DLG5: variants seen among roughly 807,000 people sequenced by gnomAD.
The protein encoded by DLG5 is disks large homolog 5.
A neutral mutation model predicts 189.8 loss-of-function variants in DLG5; 48 were observed. The observed-to-expected ratio is 0.25, with a 90% CI of 0.20 to 0.32. DLG5 has a LOEUF of 0.32. Ranked by LOEUF, DLG5 falls within the 10% of genes least tolerant of loss-of-function variation. DLG5 has a pLI of 1.00. For synonymous variants in DLG5, 1,016 were observed against 1,054.1 expected (o/e 0.96, Z 0.70); for missense variants, 2,160 against 2,544.7 (o/e 0.85, Z 3.25).
At chr10:77,926,763 AGGAGGAGGAGAC>A (rs1354952715), upstream of DLG5, 2 of 159,962 alleles carry the variant, frequency 1.3e-5, no homozygotes, top group Non-Finnish European at 2.7e-5. The surrounding 1 kb of genome is among the most constrained non-coding windows in gnomAD (Gnocchi z 5.2). Flanking sequence ...CTGGAAGAGG[AGGAGGAGGAGAC>A]GGAGGAGGAG....
At chr10:77,814,840 G>A (rs545698244) in intron 20 of DLG5, among the ~76,000 whole-genome samples, 1 of 152,182 alleles carries the variant, frequency 6.6e-6, no homozygotes, top group African/African-American at 2.4e-5. Context: ...CTCCTTACAG[G>A]TGTGAACCAC....
At position 77,926,144 on chromosome 10, in the gene DLG5, G is replaced by T; in HGVS notation, c.304+73C>A. 1.6e-6 allele frequency: 2 copies of T among 1,282,766 alleles called. No homozygotes were observed. The highest frequency in any genetic ancestry group is 3.1e-5 in the East Asian group (1 of 31,746). 79.5% of individuals were successfully genotyped at this position (1,282,766 alleles called of 1,614,324 possible). A position where few individuals can be genotyped will look rare whatever the true frequency, so the allele number is the denominator to read the frequency against. On this transcript the variant is annotated intron_variant, in intron 1 of 31. Coordinates refer to ENST00000372391, the MANE Select transcript of DLG5 (RefSeq NM_004747.4). The surrounding 1 kb of genome is among the most constrained non-coding windows in gnomAD (Gnocchi z 5.2). ...CCAGGTGGAGCGGCGGCCCCGGCGAGGTACCCTCGGCCAGCAGGAGGGAGA... is the reference window on the plus strand; with the variant it reads ...CCAGGTGGAGCGGCGGCCCCGGCGATGTACCCTCGGCCAGCAGGAGGGAGA...
Position 77,811,946 on chromosome 10 carries a change from G to A in DLG5, c.4300C>T (p.Leu1434Phe). Reference sequence around the variant, plus strand: ...CACCTGGACCGGGAGTGGCTGCTGAGCTGGTGCACGTGGGGGTTGTACTGG... The same window carrying A: ...CACCTGGACCGGGAGTGGCTGCTGAACTGGTGCACGTGGGGGTTGTACTGG... ...LAQYNPHVHQ[L>F]SSHSRSSSHL... The change falls in exon 22 of 32, where the codon CTC (leucine) becomes TTC (phenylalanine). Residue 1434 changes from leucine (L) to phenylalanine (F), a missense_variant. By Grantham distance (22) the Leu-to-Phe change is conservative. This residue lies in a region of DLG5 where 574 missense variants were observed against 644.2 expected (regional missense o/e 0.89). Coordinates refer to ENST00000372391, the MANE Select transcript of DLG5 (RefSeq NM_004747.4). 5.6e-6 allele frequency: 9 copies of A among 1,607,470 alleles called. No individual in the cohort carries two copies. Among genetic ancestry groups the A allele is most frequent in the Non-Finnish European group, 7.6e-6 (9 of 1,179,834 alleles).
chr10:77,903,231 C>A (rs1845981543), intron 1 of DLG5, among the ~76,000 whole-genome samples: 1 of 152,064 alleles, frequency 6.6e-6, no homozygotes, highest in Admixed American at 6.5e-5. Context: ...AGTTCGAGGC[C>A]AGCCTGGCCA....
intron 1 of DLG5, among the ~76,000 whole-genome samples, chr10:77,897,990 C>G (rs1845815202): frequency 6.6e-6 from 1 of 152,150 alleles, no homozygotes; most frequent in African/African-American, 2.4e-5. Context: ...CCCAGAGACC[C>G]TCCGAAGTCC....
chr10:77,901,793 A>G lies in DLG5; in HGVS notation c.304+24424T>C, dbSNP rs1845935818. On this transcript the variant is annotated intron_variant, in intron 1 of 31. Transcript: ENST00000372391. ...CCCGGCTCCAACGGTGGAGCAGCCC[A>G]AGGTCCCCCTGGGGAAGGGCTGGAA... Among the ~76,000 whole-genome samples, 3 of 152,264 alleles carry G rather than the reference A, an allele frequency of 2.0e-5. No homozygotes were observed. In the South Asian group the frequency reaches 6.2e-4, roughly 32 times the overall value.
In DLG5 at chr10:77,807,995, T is replaced by C. The variant is rs568248869; in HGVS notation, c.4648-51A>G. 32 of 1,609,056 alleles carry C rather than the reference T, an allele frequency of 2.0e-5. No homozygotes were observed. The African/African-American group carries it at 3.6e-4, about 18-fold the overall frequency. On this transcript the variant is annotated intron_variant, in intron 24 of 31. Coordinates refer to ENST00000372391, the MANE Select transcript of DLG5 (RefSeq NM_004747.4). Reference sequence around the variant, plus strand: ...CAGAAGGCAGAAGCCAGGGGGCAGCTTGGGCACCCGAGAGGGGCCAGTGCT... The same window carrying C: ...CAGAAGGCAGAAGCCAGGGGGCAGCCTGGGCACCCGAGAGGGGCCAGTGCT...
Position 77,843,442 on chromosome 10 carries a change from C to T in DLG5, c.1124+5G>A, listed in dbSNP as rs1843527238. ...GCCCCCGGCCCCCGATGGCCCTAGC[C>T]CTACCTCCTCAGGGAGAGGGCGCAC... On this transcript the variant is annotated splice_donor_5th_base_variant and intron_variant, in intron 6 of 31. Transcript: ENST00000372391. 2 of 1,613,140 alleles carry T rather than the reference C, an allele frequency of 1.2e-6. No individual in the cohort carries two copies. Among genetic ancestry groups the T allele is most frequent in the East Asian group, 2.2e-5 (1 of 44,898 alleles).
intron 1 of DLG5, among the ~76,000 whole-genome samples, chr10:77,880,420 C>T (rs1447894414): frequency 1.3e-5 from 2 of 152,178 alleles, no homozygotes; most frequent in Non-Finnish European, 2.9e-5. Flanking sequence ...CACCACTGCA[C>T]TCCAACCTGG....
At chr10:77,836,907 T>G (rs1418839762) in intron 7 of DLG5, among the ~76,000 whole-genome samples, 2 of 152,008 alleles carry the variant, frequency 1.3e-5, no homozygotes, top group Non-Finnish European at 2.9e-5. Flanking sequence ...CTTCTTAAAT[T>G]TTCATTTTAA....
chr10:77,821,865 A>G lies in DLG5; in HGVS notation c.2619T>C (p.Pro873=), dbSNP rs1842382298. ...GSSSFLHKPF[P]GGPLQVCPQA... is the part of the protein sequence containing the mutation. ...GGGGGCAGACCTGCAAGGGTCCCCC[A>G]GGGAATGGCTTATGCAGAAAGGAGC... The change falls in exon 15 of 32, where the codon CCT becomes CCC. Residue 873 remains proline (P), a synonymous_variant. Transcript: ENST00000372391. 2.5e-6 allele frequency: 4 copies of G among 1,614,078 alleles called. No individual in the cohort carries two copies. The highest frequency in any genetic ancestry group is 1.1e-5 in the South Asian group (1 of 91,082).
At chr10:77,820,962 G>A (rs1842315964) in intron 15 of DLG5, 120 bp downstream of exon 15, 3 of 1,366,852 alleles carry the variant, frequency 2.2e-6, no homozygotes, top group African/African-American at 1.5e-5. Flanking sequence ...AACAGCAAAG[G>A]CAAAGGCACC....
chr10:77,921,098 C>T (rs781551070), intron 1 of DLG5, among the ~76,000 whole-genome samples: 1 of 152,204 alleles, frequency 6.6e-6, no homozygotes, highest in South Asian at 2.1e-4. Flanking sequence ...GTAATCTTAG[C>T]TACTAAGGAG....
At chr10:77,829,298 C>T in intron 12 of DLG5, 57 bp downstream of exon 12, 3 of 1,609,380 alleles carry the variant, frequency 1.9e-6, no homozygotes. Flanking sequence ...CGGCCCCTGT[C>T]CACAAAAAAG....
At chr10:77,851,431 C>A (rs542009890) in intron 5 of DLG5, among the ~76,000 whole-genome samples, 18 of 152,328 alleles carry the variant, frequency 1.2e-4, no homozygotes, top group African/African-American at 4.1e-4. Context: ...ACCACCCCCA[C>A]CTCCTGAATC....
At chr10:77,798,855 T>C (rs1188876397) in intron 27 of DLG5, among the ~76,000 whole-genome samples, 1 of 152,338 alleles carries the variant, frequency 6.6e-6, no homozygotes, top group East Asian at 1.9e-4. Context: ...AAGAATGGTT[T>C]GGAAGAATAT....
intron 1 of DLG5, among the ~76,000 whole-genome samples, chr10:77,902,460 C>G (rs1470378881): frequency 6.6e-6 from 1 of 152,210 alleles, no homozygotes; most frequent in East Asian, 1.9e-4. Context: ...TGAGGTGATG[C>G]ACCGCAGCAT....
Position 77,805,872 on chromosome 10 carries a change from G to C in DLG5, c.4968-11C>G. 1 of 1,608,994 alleles carries C rather than the reference G, an allele frequency of 6.2e-7. No homozygotes were observed. The highest frequency in any genetic ancestry group is 8.5e-7 in the Non-Finnish European group (1 of 1,176,234). On this transcript the variant is annotated splice_polypyrimidine_tract_variant and intron_variant, in intron 26 of 31. Coordinates refer to ENST00000372391, the MANE Select transcript of DLG5 (RefSeq NM_004747.4). ...AATTCTTGGTCCATCCTGTGGCACA[G>C]GGGACAATGCTGGGCAGGGCCATCG...
At chr10:77,903,713 C>T (rs1438001779) in intron 1 of DLG5, among the ~76,000 whole-genome samples, 9 of 151,594 alleles carry the variant, frequency 5.9e-5, no homozygotes, top group African/African-American at 1.5e-4. Context: ...GTTTAGACTT[C>T]GGTCCCATCC....
Sources: allele counts gnomAD v4.1 joint callset (sites outside exome capture counted in the v4.1 genomes callset), GRCh38; gene constraint gnomAD v4.1.1; regional missense constraint gnomAD v4.1.1; non-coding constraint Gnocchi (gnomAD v3.1); transcripts MANE v1.5; gene names NCBI Gene and HGNC (gene_info 2026-07-23, HGNC 2026-07-21).